Variants in WLS observed in about 807,000 individuals in gnomAD.
WLS encodes Wnt ligand secretion mediator.
In WLS, 23 loss-of-function variants were observed where a neutral mutation model predicts 62.8. That is an observed-to-expected ratio of 0.37 (90% CI 0.26 to 0.52). The LOEUF is 0.52. Ranked by LOEUF, WLS falls within the 20% of genes least tolerant of loss-of-function variation. The probability of loss-of-function intolerance (pLI) is 0.92; values close to 1 mark genes in which losing one functional copy is unlikely to be tolerated. For synonymous variants in WLS, 246 were observed against 244.1 expected, an observed-to-expected ratio of 1.01 and a Z score of -0.07; for missense variants, 615 against 697.3, an observed-to-expected ratio of 0.88 and a Z score of 1.33.
intron 11 of WLS, among the ~76,000 whole-genome samples, 182 bp from the exon 12 acceptor site, chr1:68,126,517 G>T (rs1362931945): frequency 1.3e-5 from 2 of 152,116 alleles, no homozygotes; most frequent in African/African-American, 4.8e-5. Flanking sequence ...GGACTTTGCA[G>T]AACTTTTTAA....
At chr1:68,176,860 C>A (rs1285270035) in intron 2 of WLS, among the ~76,000 whole-genome samples, 3 of 152,130 alleles carry the variant, frequency 2.0e-5, no homozygotes, top group African/African-American at 7.2e-5. Context: ...GAGATTTAAC[C>A]TTGAACATCT....
At chr1:68,140,786 C>T (rs1399685987) in intron 10 of WLS, among the ~76,000 whole-genome samples, 1 of 151,860 alleles carries the variant, frequency 6.6e-6, no homozygotes, top group Non-Finnish European at 1.5e-5. Flanking sequence ...TTGTTTTTCC[C>T]TCTCCTCTCC....
chr1:68,198,860 A>G (rs538410670), intron 1 of WLS, among the ~76,000 whole-genome samples: 1 of 152,380 alleles, frequency 6.6e-6, no homozygotes, highest in African/African-American at 2.4e-5. Flanking sequence ...TTGAATAAAA[A>G]TGTAAGTGAA....
chr1:68,154,996 A>T, intron 4 of WLS, 103 bp downstream of exon 4: 2 of 1,238,974 alleles, frequency 1.6e-6, no homozygotes, highest in Non-Finnish European at 2.2e-6. Flanking sequence ...TGAGTATGTT[A>T]TTATTCCCAT....
rs1646420848 is a variant in WLS, at chr1:68,125,780, A to G, written c.*446T>C. On this transcript the variant is annotated 3_prime_UTR_variant, in exon 12 of 12. Coordinates refer to ENST00000262348, the MANE Select transcript of WLS (RefSeq NM_024911.7). Reference sequence around the variant, plus strand: ...GTGGTCATGGATTAGGAGTGAGAAGACTATGACACCAGCCTACCTTGGACT... The same window carrying G: ...GTGGTCATGGATTAGGAGTGAGAAGGCTATGACACCAGCCTACCTTGGACT... 1.0e-6 allele frequency: 1 copy of G among 991,988 alleles called. No homozygotes were observed. The highest frequency in any genetic ancestry group is 1.7e-5 in the African/African-American group (1 of 57,402). The allele number at this position is 991,988 out of a possible 1,614,324, so 61.4% of individuals were successfully genotyped here.
chr1:68,153,009 T>C (rs28498473), intron 5 of WLS, among the ~76,000 whole-genome samples: 1 of 152,186 alleles, frequency 6.6e-6, no homozygotes, highest in South Asian at 2.1e-4. Context: ...CTGGGTGTGG[T>C]GGCTCACACC....
intron 11 of WLS, among the ~76,000 whole-genome samples, chr1:68,107,086 T>C (rs1646157583): frequency 6.6e-6 from 1 of 152,188 alleles, no homozygotes; most frequent in Admixed American, 6.5e-5. Context: ...GTAATTAATA[T>C]GTTGGTATCG....
intron 11 of WLS, among the ~76,000 whole-genome samples, chr1:68,109,343 T>C (rs971221392): frequency 6.6e-6 from 1 of 152,206 alleles, no homozygotes; most frequent in Non-Finnish European, 1.5e-5. Context: ...CAACAATATA[T>C]GAGCACTCAA....
intron 5 of WLS, among the ~76,000 whole-genome samples, chr1:68,151,158 G>A (rs567238499): frequency 1.3e-5 from 2 of 152,208 alleles, no homozygotes; most frequent in South Asian, 4.1e-4. Context: ...ACACAGACAG[G>A]AATGGAGCTG....
chr1:68,184,498 G>A (rs959341355), intron 2 of WLS, among the ~76,000 whole-genome samples: 1 of 152,156 alleles, frequency 6.6e-6, no homozygotes, highest in African/African-American at 2.4e-5. Context: ...CTTACCAAGA[G>A]GTCTAATACC....
At chr1:68,189,949 C>A (rs1428259476) in intron 2 of WLS, among the ~76,000 whole-genome samples, 2 of 152,128 alleles carry the variant, frequency 1.3e-5, no homozygotes, top group Non-Finnish European at 2.9e-5. Context: ...GCAGAGATTG[C>A]CGTGAACCAA....
intron 5 of WLS, among the ~76,000 whole-genome samples, chr1:68,151,384 A>T (rs985131328): frequency 6.6e-6 from 1 of 152,162 alleles, no homozygotes; most frequent in African/African-American, 2.4e-5. Flanking sequence ...TCTTGAAGAG[A>T]CTTTTTATTG....
At chr1:68,153,404 T>C in intron 5 of WLS, 113 bp downstream of exon 5, 1 of 1,443,054 alleles carries the variant, frequency 6.9e-7, no homozygotes, top group Non-Finnish European at 9.4e-7. Context: ...CCTGGTCAAA[T>C]CACTGGCCTA....
downstream of WLS, among the ~76,000 whole-genome samples, chr1:68,120,416 A>C (rs1304165733): frequency 1.3e-5 from 2 of 152,182 alleles, no homozygotes; most frequent in Non-Finnish European, 2.9e-5. Flanking sequence ...ACATCTCCCA[A>C]TAAGGTCATT....
chr1:68,168,638 T>C (rs1426942092), intron 2 of WLS, among the ~76,000 whole-genome samples: 1 of 152,240 alleles, frequency 6.6e-6, no homozygotes, highest in African/African-American at 2.4e-5. Context: ...TTGACTTTCC[T>C]GGGCCTTTGC....
chr1:68,110,659 C>G (rs1570803763), intron 11 of WLS, among the ~76,000 whole-genome samples: 1 of 5,198 alleles, frequency 1.9e-4, no homozygotes, highest in East Asian at 1.5e-3. Flanking sequence ...AAATCTCTGT[C>G]TCTCTCTCTC....
At chr1:68,118,875 CAAAA>C (rs33982774) in intron 11 of WLS, among the ~76,000 whole-genome samples, 571 of 26,326 alleles carry the variant, frequency 0.022, 3 homozygotes, top group Middle Eastern at 0.12. Flanking sequence ...GACTCTGTCT[CAAAA>C]AAAAAAAAAA....
chr1:68,186,705 T>C (rs1184434113), intron 2 of WLS: 2 of 455,468 alleles, frequency 4.4e-6, no homozygotes, highest in Non-Finnish European at 8.8e-6. Context: ...GAGAGTCTCA[T>C]GCATTCTTAA....
Position 68,106,267 on chromosome 1 carries a change from G to A in WLS, c.1511-7514C>T, listed in dbSNP as rs150519120. ...TAGTGCAAGGCAGCCGGACTCAATG[G>A]CCAGGAGGGGAGTTAGCAGTGAGTG... is the stretch of plus-strand genomic sequence containing the variant. On this transcript the variant is annotated intron_variant, in intron 11 of 11. Transcript: ENST00000354777. Among the ~76,000 whole-genome samples, 821 of 152,304 alleles carry A rather than the reference G, an allele frequency of 5.4e-3. 3 individuals are homozygous for A. Among genetic ancestry groups the A allele is most frequent in the Non-Finnish European group, 9.4e-3 (639 of 68,014 alleles).
Sources: gnomAD v4.1 joint callset for allele counts (sites outside exome capture counted in the v4.1 genomes callset) on GRCh38, gnomAD v4.1.1 for gene constraint, MANE v1.5 for transcripts, NCBI Gene and HGNC (gene_info 2026-07-23, HGNC 2026-07-21) for gene names.